Variants in BRINP2 observed in about 807,000 individuals in gnomAD.
The protein encoded by BRINP2 is BMP/retinoic acid inducible neural specific 2.
In BRINP2, 21 loss-of-function variants were observed where a neutral mutation model predicts 69.2. That is an observed-to-expected ratio of 0.30 (90% CI 0.22 to 0.44). The LOEUF (loss-of-function observed/expected upper bound fraction) is 0.44. Among genes scored for constraint, BRINP2 ranks in the 20% least tolerant of loss-of-function variants. The pLI is 1.00. For synonymous variants in BRINP2, 380 were observed against 394.1 expected (o/e 0.96, Z 0.42); for missense variants, 877 against 986.0 (o/e 0.89, Z 1.48).
At chr1:177,209,148 G>C (rs1649152262) in intron 1 of BRINP2, among the ~76,000 whole-genome samples, 1 of 151,796 alleles carries the variant, frequency 6.6e-6, no homozygotes, top group South Asian at 2.1e-4. Context: ...TGTTGTGCAA[G>C]GACAATCTGC....
chr1:177,214,975 T>A (rs571080846), intron 1 of BRINP2, among the ~76,000 whole-genome samples: 17 of 152,290 alleles, frequency 1.1e-4, no homozygotes, highest in Admixed American at 3.3e-4. Flanking sequence ...TAGCTATATT[T>A]AGCACACTGT....
At chr1:177,174,901 T>C (rs1481415260) in intron 1 of BRINP2, among the ~76,000 whole-genome samples, 1 of 152,232 alleles carries the variant, frequency 6.6e-6, no homozygotes, top group Non-Finnish European at 1.5e-5. Flanking sequence ...TCCTCAAGTC[T>C]AATCTATATA....
chr1:177,173,468 C>G (rs1648000069), intron 1 of BRINP2, among the ~76,000 whole-genome samples: 2 of 152,276 alleles, frequency 1.3e-5, no homozygotes, highest in South Asian at 4.1e-4. Context: ...CCCCTCTTCA[C>G]CAAAAATGGA....
In BRINP2 at chr1:177,257,248, C is replaced by T. The variant is rs760745070; in HGVS notation, c.533C>T (p.Ser178Phe). The change falls in exon 4 of 8, where the codon TCT (serine) becomes TTT (phenylalanine). Residue 178 changes from serine (S) to phenylalanine (F), a missense_variant. This residue lies in a region of BRINP2 where 566 missense variants were observed against 625.2 expected (regional missense o/e 0.91). Coordinates refer to ENST00000361539, the MANE Select transcript of BRINP2 (RefSeq NM_021165.4). ...AAGACAGAGACAACAGGAGGTGCCT[C>T]TATAATCGGGGGCAGTGGGAACAGC... ...GRKTETTGGA[S>F]IIGGSGNSTA... 4 of 1,613,960 alleles carry T rather than the reference C, an allele frequency of 2.5e-6. No homozygotes were observed. Among genetic ancestry groups the T allele is most frequent in the African/African-American group, 1.3e-5 (1 of 74,894 alleles).
intron 6 of BRINP2, among the ~76,000 whole-genome samples, chr1:177,277,470 T>C (rs951293273): frequency 1.3e-5 from 2 of 151,246 alleles, no homozygotes; most frequent in Non-Finnish European, 2.9e-5. Flanking sequence ...GGCAGACACA[T>C]GGGATTTGTC....
intron 1 of BRINP2, among the ~76,000 whole-genome samples, chr1:177,187,900 G>A (rs943841963): frequency 2.6e-5 from 4 of 152,120 alleles, no homozygotes; most frequent in African/African-American, 9.7e-5. Context: ...AATAATCCAT[G>A]GATTCTGGAG....
At chr1:177,201,316 T>C (rs1352094532) in intron 1 of BRINP2, among the ~76,000 whole-genome samples, 1 of 152,236 alleles carries the variant, frequency 6.6e-6, no homozygotes, top group Non-Finnish European at 1.5e-5. Flanking sequence ...GTTTCTCTTT[T>C]AATTGGCTTG....
intron 3 of BRINP2, 194 bp from the exon 4 acceptor site, chr1:177,256,982 G>T: frequency 6.8e-7 from 1 of 1,479,684 alleles, no homozygotes; most frequent in Non-Finnish European, 9.0e-7. Context: ...GGCCTTTCAG[G>T]CAGCGAGGCC....
chr1:177,280,853 C>T lies in BRINP2; in HGVS notation c.1677C>T (p.Tyr559=). Residue 559 remains tyrosine, a synonymous_variant, in exon 8 of 8, where the codon TAC becomes TAT. Transcript: ENST00000361539. ...RMLLTLKSNK[Y]KPGLVHVMLA... is the part of the protein sequence containing the mutation. The stretch of plus-strand genomic sequence containing the variant: ...TGCTCACCCTGAAGAGCAACAAGTA[C>T]AAGCCTGGGCTGGTGCACGTGATGT... 6.2e-7 allele frequency: 1 copy of T among 1,614,046 alleles called. No individual in the cohort carries two copies. The highest frequency in any genetic ancestry group is 1.1e-5 in the South Asian group (1 of 91,052).
intron 1 of BRINP2, among the ~76,000 whole-genome samples, chr1:177,208,723 C>A (rs1298603481): frequency 6.6e-6 from 1 of 152,024 alleles, no homozygotes; most frequent in East Asian, 1.9e-4. Flanking sequence ...ACAGTAAGTG[C>A]TGAAAAGGAA....
At chr1:177,211,768 A>G (rs953144023) in intron 1 of BRINP2, among the ~76,000 whole-genome samples, 7 of 152,154 alleles carry the variant, frequency 4.6e-5, no homozygotes, top group Non-Finnish European at 7.3e-5. Flanking sequence ...ATGTTTGTCC[A>G]CAGTAAAGTT....
intron 1 of BRINP2, among the ~76,000 whole-genome samples, chr1:177,197,657 C>A (rs1307874693): frequency 6.6e-6 from 1 of 152,078 alleles, no homozygotes; most frequent in Non-Finnish European, 1.5e-5. Flanking sequence ...TTGTTTAAAC[C>A]ACCCAGACTT....
chr1:177,189,601 A>G (rs944855083), intron 1 of BRINP2, among the ~76,000 whole-genome samples: 2 of 152,208 alleles, frequency 1.3e-5, no homozygotes, highest in African/African-American at 4.8e-5. Context: ...CCCTGTCTGG[A>G]GGTAAGACAT....
At chr1:177,244,630 A>G (rs1463907846) in intron 2 of BRINP2, among the ~76,000 whole-genome samples, 2 of 152,034 alleles carry the variant, frequency 1.3e-5, no homozygotes, top group Non-Finnish European at 2.9e-5. Context: ...GTGAGACTCC[A>G]TCTCAAAAAA....
In BRINP2 at chr1:177,273,569, C is replaced by T; in HGVS notation, c.751C>T (p.Pro251Ser). 1 of 1,599,968 alleles carries T rather than the reference C, an allele frequency of 6.3e-7. No homozygotes were observed. Among genetic ancestry groups the T allele is most frequent in the Non-Finnish European group, 8.5e-7 (1 of 1,172,670 alleles). The change falls in exon 5 of 8, where the codon CCA becomes TCA. Residue 251 changes from proline to serine, a missense_variant. Transcript: ENST00000361539. ...AGTCAGTTCTGTCTTGGTACAGAGT[C>T]CAGAGAACAAAGTACAGTTACTTGG... The part of the protein sequence containing the change: ...DSVSSVLVQS[P>S]ENKVQLLGLQ...
chr1:177,241,911 G>A (rs1395412377), intron 2 of BRINP2, among the ~76,000 whole-genome samples: 1 of 152,200 alleles, frequency 6.6e-6, no homozygotes, highest in East Asian at 1.9e-4. Flanking sequence ...GTTGTGTCTA[G>A]AGAATACAGG....
chr1:177,196,545 G>T (rs1010060709), intron 1 of BRINP2, among the ~76,000 whole-genome samples: 1 of 151,902 alleles, frequency 6.6e-6, no homozygotes, highest in East Asian at 1.9e-4. Context: ...TTGAACCCGG[G>T]AGTCAGAGGT....
chr1:177,233,194 T>C (rs1309645953), intron 2 of BRINP2, among the ~76,000 whole-genome samples: 2 of 152,200 alleles, frequency 1.3e-5, no homozygotes, highest in Admixed American at 6.5e-5. Context: ...CTCCAGAGAT[T>C]GTTTTTCTCT....
intron 3 of BRINP2, 156 bp from the exon 4 acceptor site, chr1:177,257,020 T>C: frequency 6.5e-7 from 1 of 1,534,186 alleles, no homozygotes; most frequent in Non-Finnish European, 8.8e-7. Context: ...TCTGATGAGC[T>C]TCTTCTAAAG....
Sources: gnomAD v4.1 joint callset for allele counts (sites outside exome capture counted in the v4.1 genomes callset) on GRCh38, gnomAD v4.1.1 for gene constraint, gnomAD v4.1.1 regional missense constraint, MANE v1.5 for transcripts, NCBI Gene and HGNC (gene_info 2026-07-23, HGNC 2026-07-21) for gene names.